The following LTF variants were observed in gnomAD, a reference collection of about 807,000 sequenced individuals.
LTF encodes the protein epididymis luminal protein 110.
Under a neutral mutation model 87.2 loss-of-function variants are expected in LTF, and 91 were observed. That is an observed-to-expected ratio of 1.04 (90% CI 0.88 to 1.24). LTF has a LOEUF of 1.24. Ranked by LOEUF, LTF falls within the 50% of genes most tolerant of loss-of-function variation. LTF has a pLI of 0.00. For synonymous variants in LTF, 378 were observed against 356.1 expected (o/e 1.06, Z -0.69); for missense variants, 901 against 904.3 (o/e 1.00, Z 0.05).
At position 46,449,029 on chromosome 3, in the gene LTF, A is replaced by T. The variant is rs746948812; in HGVS notation, c.1058-12T>A. 1 of 1,601,776 alleles carries T rather than the reference A, an allele frequency of 6.2e-7. No homozygotes were observed. Among genetic ancestry groups the T allele is most frequent in the South Asian group, 1.1e-5 (1 of 89,982 alleles). On this transcript the variant is annotated splice_polypyrimidine_tract_variant and intron_variant, in intron 8 of 16. Coordinates refer to ENST00000231751, the MANE Select transcript of LTF (RefSeq NM_002343.6). ...CACTTCCTCCTCACCTGCCAGAGGGAAGACCGCAGGTGGCTGGGCAACCTG... is the reference window on the plus strand; with the variant it reads ...CACTTCCTCCTCACCTGCCAGAGGGTAGACCGCAGGTGGCTGGGCAACCTG...
intron 13 of LTF, among the ~76,000 whole-genome samples, chr3:46,442,572 T>C (rs1702549829): frequency 6.6e-6 from 1 of 152,108 alleles, no homozygotes; most frequent in African/African-American, 2.4e-5. Flanking sequence ...CTGAGTAGAA[T>C]CACATTTCCA....
Position 46,439,419 on chromosome 3 carries a change from G to A in LTF, c.1785C>T (p.Leu595=), listed in dbSNP as rs267599843. 3.3e-5 allele frequency: 53 copies of A among 1,614,052 alleles called. No homozygotes were observed. The highest frequency in any genetic ancestry group is 1.6e-4 in the African/African-American group (12 of 74,924). The change falls in exon 15 of 17, where the codon CTC becomes CTT. Residue 595 remains leucine, a synonymous_variant. Transcript: ENST00000231751. ...LKLADFALLC[L]DGKRKPVTEA... ...CAGTCACAGGCTTCCGTTTGCCATC[G>A]AGGCACAGCAGCGCAAAGTCTGCCA...
intron 5 of LTF, among the ~76,000 whole-genome samples, chr3:46,454,834 C>T (rs1037723003): frequency 1.3e-5 from 2 of 152,192 alleles, no homozygotes; most frequent in Non-Finnish European, 2.9e-5. Context: ...AGGCATTGCT[C>T]ACTGTCCTTC....
At chr3:46,462,599 C>T (rs944145878) in intron 1 of LTF, among the ~76,000 whole-genome samples, 5 of 152,158 alleles carry the variant, frequency 3.3e-5, no homozygotes, top group Admixed American at 1.3e-4. Flanking sequence ...GGGTCTGGGT[C>T]AGATCCTGGA....
chr3:46,462,038 C>G (rs1196191555), intron 1 of LTF, among the ~76,000 whole-genome samples: 2 of 152,152 alleles, frequency 1.3e-5, no homozygotes, highest in African/African-American at 4.8e-5. Context: ...GCCATACTCC[C>G]CCTTCATCCA....
At chr3:46,436,543 T>C (rs1302481885) in intron 16 of LTF, among the ~76,000 whole-genome samples, 5 of 152,170 alleles carry the variant, frequency 3.3e-5, no homozygotes, top group African/African-American at 1.2e-4. Context: ...TCCTCTAGCT[T>C]CTCCCGGAAT....
chr3:46,457,837 G>A (rs147513133), intron 2 of LTF, among the ~76,000 whole-genome samples: 128 of 152,118 alleles, frequency 8.4e-4, no homozygotes, highest in African/African-American at 3.0e-3. Flanking sequence ...GAGTGCAGTG[G>A]TACCATCTCA....
intron 1 of LTF, among the ~76,000 whole-genome samples, chr3:46,478,595 C>A (rs74865838): frequency 6.6e-6 from 1 of 152,112 alleles, no homozygotes; most frequent in Admixed American, 6.5e-5. Flanking sequence ...CAGGATGCAA[C>A]GTAGATGCTA....
intron 13 of LTF, 75 bp from the exon 14 acceptor site, chr3:46,441,558 G>A: frequency 9.2e-7 from 1 of 1,081,934 alleles, no homozygotes; most frequent in African/African-American, 1.6e-5. Flanking sequence ...TTTGTAATAT[G>A]CATTCCAAAA....
chr3:46,455,443 C>G lies in LTF; in HGVS notation c.500-1G>C. On this transcript the variant is annotated splice_acceptor_variant, in intron 4 of 16. Coordinates refer to ENST00000231751, the MANE Select transcript of LTF (RefSeq NM_002343.6). LOFTEE classifies it high-confidence loss of function. ...CTGGCTGAGAAGAACCTGGCCACAG[C>G]TGTTAAACACAGAGAAGTGGACCAC... 1.1e-5 allele frequency: 18 copies of G among 1,614,228 alleles called. No individual in the cohort carries two copies. The highest frequency in any genetic ancestry group is 1.5e-5 in the Non-Finnish European group (18 of 1,180,020).
In LTF at chr3:46,438,134, G is replaced by A. The variant is rs768977817; in HGVS notation, c.1909-5C>T. On this transcript the variant is annotated splice_polypyrimidine_tract_variant and splice_region_variant and intron_variant, in intron 15 of 16. Transcript: ENST00000231751. ...TCCATTTCTCCCAAATTTAGCCTGC[G>A]ACAAAAGGGCAGACAGTGAGTAGCT... is the stretch of plus-strand genomic sequence containing the variant. 4.0e-5 allele frequency: 64 copies of A among 1,612,048 alleles called. No individual in the cohort carries two copies. Among genetic ancestry groups the A allele is most frequent in the East Asian group, 6.7e-5 (3 of 44,862 alleles).
chr3:46,472,391 G>A (rs962305793), intron 1 of LTF, among the ~76,000 whole-genome samples: 3 of 151,672 alleles, frequency 2.0e-5, no homozygotes, highest in Admixed American at 1.3e-4. Context: ...GGAGCAAGAT[G>A]CCCCTTTTTC....
chr3:46,435,931 G>T lies in LTF; in HGVS notation c.*264C>A, dbSNP rs1702375155. On this transcript the variant is annotated 3_prime_UTR_variant, in exon 17 of 17. Coordinates refer to ENST00000231751, the MANE Select transcript of LTF (RefSeq NM_002343.6). ...TGGACCTGAAAAACTTGGAAGGGAA[G>T]GTCCAACTGTACAGGTATTTTGTCA... 7 of 490,644 alleles carry T rather than the reference G, an allele frequency of 1.4e-5. No homozygotes were observed. Among genetic ancestry groups the T allele is most frequent in the Non-Finnish European group, 2.2e-5 (6 of 273,572 alleles). The allele number at this position is 490,644 out of a possible 1,614,324, so 30.4% of individuals were successfully genotyped here.
intron 1 of LTF, among the ~76,000 whole-genome samples, chr3:46,470,697 C>CG (rs1553667246): frequency 1.3e-5 from 2 of 152,130 alleles, no homozygotes; most frequent in Non-Finnish European, 2.9e-5. Context: ...GCTGGGCAGA[C>CG]GGGAAGGCAT....
intron 11 of LTF, among the ~76,000 whole-genome samples, chr3:46,445,939 G>A (rs2269438): frequency 0.35 from 53,405 of 152,048 alleles, 9,866 homozygotes; most frequent in East Asian, 0.67. Context: ...CATGGTTGCC[G>A]TTGTCCTCCT....
At chr3:46,446,691 C>A (rs549654887) in intron 10 of LTF, among the ~76,000 whole-genome samples, 198 bp from the exon 11 acceptor site, 1 of 152,220 alleles carries the variant, frequency 6.6e-6, no homozygotes, top group Admixed American at 6.5e-5. Context: ...CAGCCACCAA[C>A]TGGAAACTAC....
chr3:46,480,110 A>G (rs1703414141), intron 1 of LTF, among the ~76,000 whole-genome samples: 1 of 152,236 alleles, frequency 6.6e-6, no homozygotes, highest in East Asian at 1.9e-4. Context: ...CCGGACACCC[A>G]GGTGGATCGT....
intron 2 of LTF, among the ~76,000 whole-genome samples, chr3:46,456,773 A>G (rs1486790884): frequency 6.6e-6 from 1 of 152,222 alleles, no homozygotes; most frequent in African/African-American, 2.4e-5. Context: ...TTATTAAGCT[A>G]TCCTAAAATT....
At position 46,436,107 on chromosome 3, in the gene LTF, G is replaced by A; in HGVS notation, c.*88C>T. 5 of 1,303,610 alleles carry A rather than the reference G, an allele frequency of 3.8e-6. No individual in the cohort carries two copies. Among genetic ancestry groups the A allele is most frequent in the Non-Finnish European group, 5.6e-6 (5 of 898,878 alleles). 80.8% of individuals were successfully genotyped at this position (1,303,610 alleles called of 1,614,324 possible). A position where few individuals can be genotyped will look rare whatever the true frequency, so the allele number is the denominator to read the frequency against. ...GGCAATCCCCACCTTCAGCAGGGGA[G>A]GCCAAGGCCCCAACACACCTGGGGA... On this transcript the variant is annotated 3_prime_UTR_variant, in exon 17 of 17. Transcript: ENST00000231751.
Sources: gnomAD v4.1 joint callset for allele counts (sites outside exome capture counted in the v4.1 genomes callset) on GRCh38, gnomAD v4.1.1 for gene constraint, MANE v1.5 for transcripts, NCBI Gene and HGNC (gene_info 2026-07-23, HGNC 2026-07-21) for gene names.